DGKH: variants seen among roughly 807,000 people sequenced by gnomAD.
The protein encoded by DGKH is DAG kinase eta.
A neutral mutation model predicts 159.3 loss-of-function variants in DGKH; 90 were observed. The observed-to-expected ratio is 0.57, with a 90% CI of 0.48 to 0.67. The LOEUF (loss-of-function observed/expected upper bound fraction) is 0.67, where lower values mean the gene tolerates loss of function less well. Among genes scored for constraint, DGKH ranks in the 30% least tolerant of loss-of-function variants. DGKH has a pLI of 0.00. For missense variants in DGKH, 1,181 were observed against 1,506.1 expected (o/e 0.78, Z 3.57); for synonymous variants, 536 against 553.8 (o/e 0.97, Z 0.45).
At chr13:42,045,869 C>G (rs115143412), upstream of DGKH, among the ~76,000 whole-genome samples, 1 of 152,178 alleles carries the variant, frequency 6.6e-6, no homozygotes, top group South Asian at 2.1e-4. Flanking sequence ...GAGTAGTGAT[C>G]AGTAAAAATA....
intron 1 of DGKH, among the ~76,000 whole-genome samples, chr13:42,104,749 A>G (rs974627883): frequency 6.6e-6 from 1 of 152,206 alleles, no homozygotes; most frequent in Non-Finnish European, 1.5e-5. Flanking sequence ...TCTGCTCTGC[A>G]TAGGATCTTT....
At position 42,161,582 on chromosome 13, in the gene DGKH, C is replaced by A. The variant is rs1376280707; in HGVS notation, c.855+1446C>A. On this transcript the variant is annotated intron_variant, in intron 7 of 29. Transcript: ENST00000337343. Reference sequence around the variant, plus strand: ...GGATCATGGGGTCAGGAGATCAAGACCATCCTGGCTAACACAGTGAAACCC... The same window carrying A: ...GGATCATGGGGTCAGGAGATCAAGAACATCCTGGCTAACACAGTGAAACCC... 4.7e-5 allele frequency among the ~76,000 whole-genome samples: 7 copies of A among 148,236 alleles called. 1 individual carries two copies. The Admixed American group carries it at 4.8e-4, about 10-fold the overall frequency.
At position 42,127,480 on chromosome 13, in the gene DGKH, A is replaced by T. The variant is rs1301930251; in HGVS notation, c.210A>T (p.Gly70=). 7 of 1,613,634 alleles carry T rather than the reference A, an allele frequency of 4.3e-6. No homozygotes were observed. The part of the protein sequence containing the change: ...QIRTKTSIKE[G]QLLKQTSSFQ... Reference sequence around the variant, plus strand: ...CTCTCTAGACCAGTATTAAAGAGGGACAGCTATTGAAGCAAACCAGTTCTT... The same window carrying T: ...CTCTCTAGACCAGTATTAAAGAGGGTCAGCTATTGAAGCAAACCAGTTCTT... The change falls in exon 2 of 30, where the codon GGA becomes GGT. Residue 70 remains glycine (G), a synonymous_variant. Coordinates refer to ENST00000337343, the MANE Select transcript of DGKH (RefSeq NM_178009.5).
chr13:42,185,318 A>C (rs1010129203), intron 13 of DGKH, among the ~76,000 whole-genome samples: 1 of 152,004 alleles, frequency 6.6e-6, no homozygotes, highest in African/African-American at 2.4e-5. Context: ...TGTGGCGAGC[A>C]CTCTCCTAAC....
downstream of DGKH, among the ~76,000 whole-genome samples, chr13:42,246,812 G>T (rs1184646441): frequency 6.6e-6 from 1 of 152,158 alleles, no homozygotes; most frequent in African/African-American, 2.4e-5. Flanking sequence ...AGTGATCTGA[G>T]ATCTCGTTTA....
At chr13:42,112,489 C>T (rs1041033885) in intron 1 of DGKH, among the ~76,000 whole-genome samples, 2 of 152,164 alleles carry the variant, frequency 1.3e-5, no homozygotes, top group African/African-American at 4.8e-5. Flanking sequence ...CATAGAATTC[C>T]TCAGAGGCAT....
chr13:42,218,574 T>A (rs1317441330), intron 26 of DGKH, among the ~76,000 whole-genome samples: 1 of 150,614 alleles, frequency 6.6e-6, no homozygotes, highest in East Asian at 2.0e-4. Flanking sequence ...AGTGGCGCTA[T>A]CTCTGCTCAC....
At chr13:42,131,069 TTTGGTCCCA>T (rs1202123511) in intron 3 of DGKH, among the ~76,000 whole-genome samples, 4 of 151,936 alleles carry the variant, frequency 2.6e-5, no homozygotes, top group African/African-American at 9.7e-5. Flanking sequence ...TTGGAGGTCA[TTTGGTCCCA>T]TTGATGTGAG....
intron 1 of DGKH, among the ~76,000 whole-genome samples, chr13:42,094,355 G>C (rs911640493): frequency 1.3e-5 from 2 of 152,112 alleles, no homozygotes; most frequent in Non-Finnish European, 2.9e-5. Context: ...GCTTTAAAAG[G>C]CAAACTTTGA....
chr13:42,073,359 A>G (rs1566087113), intron 1 of DGKH, among the ~76,000 whole-genome samples: 1 of 152,230 alleles, frequency 6.6e-6, no homozygotes, highest in Non-Finnish European at 1.5e-5. Context: ...CTATATGTAC[A>G]GATATACAGA....
At chr13:42,147,032 T>C (rs946001354) in intron 3 of DGKH, among the ~76,000 whole-genome samples, 8 of 152,022 alleles carry the variant, frequency 5.3e-5, no homozygotes, top group African/African-American at 1.9e-4. Context: ...GGACATAGAT[T>C]AGCTTGTCTG....
At chr13:42,157,941 G>A (rs911315174) in intron 5 of DGKH, among the ~76,000 whole-genome samples, 2 of 152,112 alleles carry the variant, frequency 1.3e-5, no homozygotes, top group African/African-American at 4.8e-5. Flanking sequence ...TTTATTTTTA[G>A]TAGAGACAAG....
chr13:42,076,992 A>C (rs1406661318), intron 1 of DGKH, among the ~76,000 whole-genome samples: 1 of 152,166 alleles, frequency 6.6e-6, no homozygotes, highest in Non-Finnish European at 1.5e-5. Context: ...CTGTTAAATG[A>C]AAGCCCTCAA....
At chr13:42,216,097 T>G (rs1313844001) in intron 26 of DGKH, among the ~76,000 whole-genome samples, 1 of 152,254 alleles carries the variant, frequency 6.6e-6, no homozygotes, top group Admixed American at 6.5e-5. Flanking sequence ...ACACAGTGTT[T>G]CAAGAAGTAA....
rs1010599436 is a variant in DGKH, at chr13:42,237,785, T to C, written c.*8597T>C. 3 of 152,218 alleles carry C rather than the reference T, an allele frequency of 2.0e-5. No individual in the cohort carries two copies. Among genetic ancestry groups the C allele is most frequent in the Non-Finnish European group, 2.9e-5 (2 of 68,038 alleles). The allele number at this position is 152,218 out of a possible 1,614,324, so 9.4% of individuals were successfully genotyped here. On this transcript the variant is annotated 3_prime_UTR_variant, in exon 30 of 30. Transcript: ENST00000337343. ...TGCTTTCTCATCTCAGTGATTGATGTCTGGAGAACTAGTCAGACACACTTA... is the reference window on the plus strand; with the variant it reads ...TGCTTTCTCATCTCAGTGATTGATGCCTGGAGAACTAGTCAGACACACTTA...
intron 1 of DGKH, among the ~76,000 whole-genome samples, chr13:42,056,385 A>G (rs1881759967): frequency 6.6e-6 from 1 of 152,128 alleles, no homozygotes; most frequent in Non-Finnish European, 1.5e-5. Context: ...GTGTCATTTG[A>G]GTATCAGCAC....
In DGKH at chr13:42,231,181, C is replaced by T. The variant is rs1032486789; in HGVS notation, c.*1993C>T. ...ACCAGCCTGACCAGTGTATGAAACC[C>T]CATCTCTACTAAAAATACAAAAATT... is the stretch of plus-strand genomic sequence containing the variant. On this transcript the variant is annotated 3_prime_UTR_variant, in exon 30 of 30. Transcript: ENST00000337343. 3 of 152,098 alleles carry T rather than the reference C, an allele frequency of 2.0e-5. No homozygotes were observed. Among genetic ancestry groups the T allele is most frequent in the Non-Finnish European group, 2.9e-5 (2 of 68,064 alleles). 9.4% of individuals were successfully genotyped at this position (152,098 alleles called of 1,614,324 possible).
intron 1 of DGKH, among the ~76,000 whole-genome samples, chr13:42,083,763 T>TA (rs1954254454): frequency 1.3e-5 from 2 of 152,176 alleles, no homozygotes; most frequent in Admixed American, 6.5e-5. Flanking sequence ...CCTCTGTCTT[T>TA]AAAAGCTTTT....
At chr13:42,135,243 A>G (rs183438218) in intron 3 of DGKH, among the ~76,000 whole-genome samples, 2 of 152,192 alleles carry the variant, frequency 1.3e-5, no homozygotes, top group East Asian at 1.9e-4. Flanking sequence ...TCATGCCTGT[A>G]ATCCCAACAC....
Sources: allele counts gnomAD v4.1 joint callset (sites outside exome capture counted in the v4.1 genomes callset), GRCh38; gene constraint gnomAD v4.1.1; transcripts MANE v1.5; gene names NCBI Gene and HGNC (gene_info 2026-07-23, HGNC 2026-07-21).